The following RGPD3 variants were observed in gnomAD, a reference collection of about 807,000 sequenced individuals.
RGPD3 encodes ranBP2-like and GRIP domain-containing protein 3.
A neutral mutation model predicts 154.5 loss-of-function variants in RGPD3; 62 were observed. The ratio of observed to expected loss-of-function variants is 0.40; its 90% CI spans 0.33 to 0.50. The LOEUF is 0.50. Among genes scored for constraint, RGPD3 ranks in the 20% least tolerant of loss-of-function variants. RGPD3 has a pLI of 0.59. For synonymous variants in RGPD3, 308 were observed against 607.0 expected (o/e 0.51, Z 7.24); for missense variants, 919 against 1,716.8 (o/e 0.54, Z 8.21).
chr2:106,461,677 A>AT (rs1678409227), intron 1 of RGPD3, among the ~76,000 whole-genome samples: 1 of 151,466 alleles, frequency 6.6e-6, no homozygotes, highest in South Asian at 2.1e-4. Flanking sequence ...TAAGAAAGCA[A>AT]TTCCATTTAC....
At chr2:106,448,630 C>T (rs1431732238) in intron 6 of RGPD3, among the ~76,000 whole-genome samples, 1 of 150,566 alleles carries the variant, frequency 6.6e-6, no homozygotes, top group African/African-American at 2.5e-5. Flanking sequence ...ATTACTTTTA[C>T]AATAATACCA....
intron 7 of RGPD3, among the ~76,000 whole-genome samples, chr2:106,445,250 C>G (rs1396411472): frequency 6.7e-6 from 1 of 148,564 alleles, no homozygotes; most frequent in Non-Finnish European, 1.5e-5. Flanking sequence ...GGTCGTGCCA[C>G]TGTGCTCCAG....
In RGPD3 at chr2:106,466,782, CG is replaced by C. The variant is rs1343720457; in HGVS notation, c.72+1434del. On this transcript the variant is annotated intron_variant, in intron 1 of 22. Transcript: ENST00000409886. ...TCGGGAGCCATGACGCCTGAGCCAT[CG>C]AGGCCGCCGCAGGGCCGGGTCGAGG... Among the ~76,000 whole-genome samples the C allele has an allele frequency of 3.4e-4, 26 of 75,758 alleles. 2 individuals are homozygous for C. The highest frequency in any genetic ancestry group is 5.1e-4 in the African/African-American group (11 of 21,698). The allele number at this position is 75,758 out of a possible 152,430, so 49.7% of individuals were successfully genotyped here.
At chr2:106,458,586 G>A (rs1425097330) in intron 2 of RGPD3, among the ~76,000 whole-genome samples, 10 of 111,862 alleles carry the variant, frequency 8.9e-5, no homozygotes, top group Non-Finnish European at 1.5e-4. Flanking sequence ...CCAGGTCCAC[G>A]TGGTGGTGCG....
intron 20 of RGPD3, among the ~76,000 whole-genome samples, chr2:106,417,866 A>T (rs895767337): frequency 2.0e-5 from 3 of 150,978 alleles, no homozygotes; most frequent in Non-Finnish European, 4.4e-5. Context: ...GTGGTGGCTC[A>T]AATCTGTAAT....
At chr2:106,446,746 G>T (rs1394728799) in intron 7 of RGPD3, among the ~76,000 whole-genome samples, 1 of 150,236 alleles carries the variant, frequency 6.7e-6, no homozygotes, top group Non-Finnish European at 1.5e-5. Flanking sequence ...GCTGGGCTTG[G>T]TAGCACGGGC....
chr2:106,464,419 T>A (rs1256088929), intron 1 of RGPD3, among the ~76,000 whole-genome samples: 1 of 151,326 alleles, frequency 6.6e-6, no homozygotes, highest in African/African-American at 2.4e-5. Flanking sequence ...ATATGTGTGT[T>A]ACTCAGAAGT....
At chr2:106,415,299 G>C (rs556354622) in intron 21 of RGPD3, among the ~76,000 whole-genome samples, 72 of 151,644 alleles carry the variant, frequency 4.7e-4, no homozygotes, top group African/African-American at 1.6e-3. Context: ...ACAATGATTT[G>C]TGAACATCTC....
chr2:106,425,104 G>A lies in RGPD3; in HGVS notation c.2863C>T (p.Arg955Trp), dbSNP rs567422835. 141 of 1,611,832 alleles carry A rather than the reference G, an allele frequency of 8.7e-5. No individual in the cohort carries two copies. The highest frequency in any genetic ancestry group is 7.4e-4 in the East Asian group (33 of 44,876). Residue 955 changes from arginine to tryptophan, a missense_variant, in exon 20 of 23, where the codon CGG becomes TGG. Arg to Trp is a moderately radical substitution (Grantham distance 101). Transcript: ENST00000409886. ...AAAATCACACCACGGCCCTTCTTCC[G>A]GCCACTAATATCCTGAGCCTGTAAG... ...TGLQAQDISG[R>W]KKGRGVIFGQ...
intron 6 of RGPD3, among the ~76,000 whole-genome samples, chr2:106,450,190 TAAG>T (rs2104502882): frequency 8.2e-6 from 1 of 122,072 alleles, no homozygotes; most frequent in African/African-American, 2.9e-5. Context: ...CCATCCTGGC[TAAG>T]AAGGTGACAC....
upstream of RGPD3, among the ~76,000 whole-genome samples, chr2:106,470,284 A>T (rs1324929185): frequency 1.3e-5 from 2 of 152,262 alleles, no homozygotes; most frequent in African/African-American, 4.8e-5. Context: ...ACAAATATCC[A>T]TTAAAAAATG....
intron 22 of RGPD3, among the ~76,000 whole-genome samples, chr2:106,408,827 TG>T (rs755161427): frequency 3.8e-4 from 57 of 151,974 alleles, no homozygotes; most frequent in Non-Finnish European, 2.2e-4. Context: ...GCTAGGACTA[TG>T]GGCACATGCC....
chr2:106,462,256 C>T (rs1244277721), intron 1 of RGPD3, among the ~76,000 whole-genome samples: 4 of 151,034 alleles, frequency 2.6e-5, no homozygotes, highest in Admixed American at 2.6e-4. Context: ...ATTCCATTAC[C>T]TTCTTTGCTT....
chr2:106,408,748 G>A (rs1210349571), intron 22 of RGPD3, among the ~76,000 whole-genome samples: 5 of 151,826 alleles, frequency 3.3e-5, no homozygotes, highest in South Asian at 2.1e-4. Context: ...CCAGGATTTC[G>A]ACCAGAAGTT....
chr2:106,405,644 G>C (rs1186346170), intron 22 of RGPD3, among the ~76,000 whole-genome samples: 1 of 152,142 alleles, frequency 6.6e-6, no homozygotes, highest in Non-Finnish European at 1.5e-5. Context: ...ACAGTGTTGG[G>C]ATTACAGTCA....
At chr2:106,469,865 A>G (rs1678769250), upstream of RGPD3, among the ~76,000 whole-genome samples, 1 of 151,982 alleles carries the variant, frequency 6.6e-6, no homozygotes, top group African/African-American at 2.4e-5. Context: ...CCCAAAATAC[A>G]CCTATTTACC....
At chr2:106,464,034 A>G (rs1391161023) in intron 1 of RGPD3, among the ~76,000 whole-genome samples, 1 of 152,224 alleles carries the variant, frequency 6.6e-6, no homozygotes, top group African/African-American at 2.4e-5. Context: ...TTGGAGGAGC[A>G]TAATAGCCAG....
chr2:106,407,075 G>A (rs1275553411), intron 22 of RGPD3, among the ~76,000 whole-genome samples: 2 of 148,744 alleles, frequency 1.3e-5, no homozygotes, highest in African/African-American at 5.0e-5. Context: ...ATGTTGGCAT[G>A]GCTGGGGTCT....
chr2:106,421,769 T>C (rs2104453882), intron 20 of RGPD3, among the ~76,000 whole-genome samples: 1 of 151,716 alleles, frequency 6.6e-6, no homozygotes, highest in South Asian at 2.1e-4. Context: ...TACATGTGAA[T>C]ACTGGCAGAC....
Sources: allele counts gnomAD v4.1 joint callset (sites outside exome capture counted in the v4.1 genomes callset), GRCh38; gene constraint gnomAD v4.1.1; transcripts MANE v1.5; gene names NCBI Gene and HGNC (gene_info 2026-07-23, HGNC 2026-07-21).